CENPU: variants seen among roughly 807,000 people sequenced by gnomAD.
CENPU encodes the protein KSHV latent nuclear antigen interacting protein 1.
CENPU carries 46 observed loss-of-function variants against 56.7 expected under a neutral mutation model. The observed-to-expected ratio is 0.81, with a 90% CI of 0.64 to 1.04. The LOEUF (loss-of-function observed/expected upper bound fraction) is 1.04. CENPU is among the 50% of genes least tolerant of loss of function. The probability of loss-of-function intolerance (pLI) is 0.00; values close to 1 mark genes in which losing one functional copy is unlikely to be tolerated. For missense variants in CENPU, 510 were observed against 490.1 expected (o/e 1.04, Z -0.38); for synonymous variants, 166 against 163.0 (o/e 1.02, Z -0.14).
intron 4 of CENPU, among the ~76,000 whole-genome samples, chr4:184,723,734 T>C (rs911630050): frequency 2.7e-5 from 4 of 149,544 alleles, no homozygotes; most frequent in African/African-American, 9.9e-5. Context: ...TCCAAGCTAC[T>C]CGGGAGGGTG....
At chr4:184,711,129 T>C (rs1024709993) in intron 7 of CENPU, among the ~76,000 whole-genome samples, 2 of 152,190 alleles carry the variant, frequency 1.3e-5, no homozygotes, top group Non-Finnish European at 2.9e-5. Flanking sequence ...GTGCTGGGAT[T>C]ACGGGTGCAC....
intron 8 of CENPU, among the ~76,000 whole-genome samples, chr4:184,709,793 T>TA: frequency 6.8e-6 from 1 of 148,074 alleles, no homozygotes; most frequent in African/African-American, 2.5e-5. Context: ...GCCTCAAAAT[T>TA]TAAAAAAAAA....
intron 8 of CENPU, among the ~76,000 whole-genome samples, chr4:184,704,855 A>G (rs563439646): frequency 6.6e-6 from 1 of 152,340 alleles, no homozygotes; most frequent in South Asian, 2.1e-4. Context: ...GGGCTGCTTA[A>G]CAAGTTGCAC....
In CENPU at chr4:184,705,628, T is replaced by A. The variant is rs545173791; in HGVS notation, c.798-3187A>T. Among the ~76,000 whole-genome samples the A allele has an allele frequency of 2.6e-5, 4 of 152,256 alleles. No homozygotes were observed. In the South Asian group the frequency reaches 8.3e-4, roughly 32 times the overall value. On this transcript the variant is annotated intron_variant, in intron 8 of 12. Coordinates refer to ENST00000281453, the MANE Select transcript of CENPU (RefSeq NM_024629.4). ...ATTACACATTGAACAAAAAAATTCA[T>A]GAATAATGAGGTATTTCTATACATC... is the stretch of plus-strand genomic sequence containing the variant.
chr4:184,698,134 G>C (rs753454350), intron 11 of CENPU: 5 of 213,816 alleles, frequency 2.3e-5, no homozygotes. Context: ...TCGCACCAGC[G>C]GAGCCAGGCA....
chr4:184,697,812 A>C lies in CENPU; in HGVS notation c.987-9T>G. 6.3e-7 allele frequency: 1 copy of C among 1,586,424 alleles called. No individual in the cohort carries two copies. The highest frequency in any genetic ancestry group is 1.7e-4 in the Middle Eastern group (1 of 5,818). On this transcript the variant is annotated splice_polypyrimidine_tract_variant and intron_variant, in intron 11 of 12. Transcript: ENST00000281453. The stretch of plus-strand genomic sequence containing the variant: ...TCAGCTGTGGCTCTAACCTAAAACA[A>C]AAATAAGTGACAAATAATAAAATGT...
chr4:184,702,601 A>C (rs1760573215), intron 8 of CENPU, 160 bp from the exon 9 acceptor site: 3 of 512,326 alleles, frequency 5.9e-6, no homozygotes, highest in Non-Finnish European at 1.0e-5. Flanking sequence ...TCAATGTTTT[A>C]GATTAAGGGG....
chr4:184,723,981 T>C (rs1292960779), intron 4 of CENPU, among the ~76,000 whole-genome samples: 2 of 151,916 alleles, frequency 1.3e-5, no homozygotes, highest in Admixed American at 6.6e-5. Flanking sequence ...AACTGCAGTT[T>C]TGGCCGGGTG....
At chr4:184,728,600 T>C (rs1008349464) in intron 3 of CENPU, among the ~76,000 whole-genome samples, 1 of 152,228 alleles carries the variant, frequency 6.6e-6, no homozygotes, top group African/African-American at 2.4e-5. Context: ...CCTAAATTAA[T>C]GGCTCTATCA....
intron 1 of CENPU, chr4:184,733,327 G>A (rs1347815307): frequency 7.1e-6 from 7 of 986,030 alleles, no homozygotes; most frequent in African/African-American, 7.0e-5. Flanking sequence ...TCCCAGGCCC[G>A]GGGGAACTCC....
chr4:184,717,217 C>G, intron 4 of CENPU, 21 bp from the exon 5 acceptor site: 1 of 1,585,038 alleles, frequency 6.3e-7, no homozygotes, highest in Non-Finnish European at 8.6e-7. Flanking sequence ...TACAAGCCAT[C>G]AATATCTTGT....
chr4:184,697,475 A>C, intron 12 of CENPU, among the ~76,000 whole-genome samples, 172 bp downstream of exon 12: 1 of 152,218 alleles, frequency 6.6e-6, no homozygotes, highest in South Asian at 2.1e-4. Context: ...TAAGTAGCTA[A>C]GAAAAGTGCT....
At chr4:184,707,948 C>A (rs185979059) in intron 8 of CENPU, among the ~76,000 whole-genome samples, 1 of 152,032 alleles carries the variant, frequency 6.6e-6, no homozygotes, top group Non-Finnish European at 1.5e-5. Context: ...AATAGCTGGG[C>A]GCGGTGGCTC....
intron 7 of CENPU, among the ~76,000 whole-genome samples, chr4:184,712,119 CAAAAAAA>C (rs10650384): frequency 1.2e-5 from 1 of 80,706 alleles, no homozygotes; most frequent in African/African-American, 4.7e-5. Flanking sequence ...GACTCAGTCT[CAAAAAAA>C]AAAAAAAAAA....
At position 184,717,137 on chromosome 4, in the gene CENPU, T is replaced by A; in HGVS notation, c.380A>T (p.Lys127Met). 1 of 1,605,798 alleles carries A rather than the reference T, an allele frequency of 6.2e-7. No homozygotes were observed. Among genetic ancestry groups the A allele is most frequent in the Admixed American group, 1.7e-5 (1 of 59,952 alleles). Residue 127 changes from lysine (K) to methionine (M), a missense_variant and splice_region_variant, in exon 5 of 13, where the codon AAG becomes ATG. Coordinates refer to ENST00000281453, the MANE Select transcript of CENPU (RefSeq NM_024629.4). ...EIESVKISAK[K>M]PGRKLRPISD... Reference sequence around the variant, plus strand: ...AGAAGAGTGAATACTCCTACATACCTTTTTTGCACTAATTTTTACAGATTC... The same window carrying A: ...AGAAGAGTGAATACTCCTACATACCATTTTTGCACTAATTTTTACAGATTC...
intron 9 of CENPU, 34 bp downstream of exon 9, chr4:184,702,329 C>T (rs376265420): frequency 1.3e-6 from 2 of 1,595,082 alleles, no homozygotes; most frequent in African/African-American, 2.7e-5. Context: ...GTGAAAAAAA[C>T]CTTAGACCAA....
intron 1 of CENPU, 105 bp from the exon 2 acceptor site, chr4:184,731,073 A>G (rs1236880039): frequency 4.9e-6 from 4 of 814,774 alleles, no homozygotes; most frequent in South Asian, 1.9e-5. Context: ...AAAAAAAACA[A>G]GAACCCATAT....
chr4:184,732,177 T>G (rs1761671129), intron 1 of CENPU, among the ~76,000 whole-genome samples: 1 of 152,116 alleles, frequency 6.6e-6, no homozygotes, highest in Non-Finnish European at 1.5e-5. Flanking sequence ...CACAAGCCTT[T>G]TGTTTTATGT....
At chr4:184,706,779 C>G (rs906705142) in intron 8 of CENPU, among the ~76,000 whole-genome samples, 1 of 152,146 alleles carries the variant, frequency 6.6e-6, no homozygotes, top group Non-Finnish European at 1.5e-5. Context: ...TTTGGTATGA[C>G]AAAAACACAA....
Sources: allele counts gnomAD v4.1 joint callset (sites outside exome capture counted in the v4.1 genomes callset), GRCh38; gene constraint gnomAD v4.1.1; transcripts MANE v1.5; gene names NCBI Gene and HGNC (gene_info 2026-07-23, HGNC 2026-07-21).